The following MYH7 variants were observed in gnomAD, a reference collection of about 807,000 sequenced individuals.
The protein encoded by MYH7 is myosin heavy chain 7.
In MYH7, 129 loss-of-function variants were observed where a neutral mutation model predicts 225.4. The ratio of observed to expected loss-of-function variants is 0.57; its 90% CI spans 0.50 to 0.66. MYH7 has a LOEUF of 0.66. Ranked by LOEUF, MYH7 falls within the 30% of genes least tolerant of loss-of-function variation. MYH7 has a pLI of 0.00. For missense variants in MYH7, 1,649 were observed against 2,517.0 expected (o/e 0.66, Z 7.38); for synonymous variants, 971 against 1,007.6 (o/e 0.96, Z 0.69).
rs753021990 is a variant in MYH7, at chr14:23,415,809, A to T, written c.4977T>A (p.Asp1659Glu). Reference protein sequence around the residue: ...LLKDTQIQLDDAVRANDDLKE... With the variant: ...LLKDTQIQLDEAVRANDDLKE... ...TCAGGTCGTCGTTGGCACGGACTGC[A>T]TCGTCCAGCTGAATCTGGGTGTCCT... The change falls in exon 35 of 40, where the codon GAT becomes GAA. Residue 1659 changes from aspartate (D) to glutamate (E), a missense_variant. Asp to Glu is a conservative substitution (Grantham distance 45). Coordinates refer to ENST00000355349, the MANE Select transcript of MYH7 (RefSeq NM_000257.4). The surrounding 1 kb of genome is among the most constrained non-coding windows in gnomAD (Gnocchi z 6.3). 1.2e-6 allele frequency: 2 copies of T among 1,614,192 alleles called. No individual in the cohort carries two copies. Among genetic ancestry groups the T allele is most frequent in the Non-Finnish European group, 1.7e-6 (2 of 1,180,034 alleles).
rs763683589 is a variant in MYH7, at chr14:23,416,954, C to T, written c.4558G>A (p.Gly1520Arg). ...TTCTCCAGCTCATGGATAGTCTTTC[C>T]GCTGGAACCCAACTGCTCAGTCAAG... ...SDLTEQLGSS[G>R]KTIHELEKVR... The change falls in exon 33 of 40, where the codon GGA becomes AGA. Residue 1520 changes from glycine (G) to arginine (R), a missense_variant. By Grantham distance (125) the Gly-to-Arg change is moderately radical (BLOSUM62 -2). Coordinates refer to ENST00000355349, the MANE Select transcript of MYH7 (RefSeq NM_000257.4). The T allele has an allele frequency of 8.1e-6, 13 of 1,614,132 alleles. No individual in the cohort carries two copies. Among genetic ancestry groups the T allele is most frequent in the African/African-American group, 2.7e-5 (2 of 74,942 alleles).
chr14:23,418,741 C>A (rs2138650055), intron 29 of MYH7, among the ~76,000 whole-genome samples: 1 of 152,292 alleles, frequency 6.6e-6, no homozygotes, highest in South Asian at 2.1e-4. Context: ...CTATAAGAGG[C>A]AGGTTAGTAT....
intron 39 of MYH7, 76 bp downstream of exon 39, chr14:23,413,683 A>G: frequency 6.3e-7 from 1 of 1,597,508 alleles, no homozygotes; most frequent in Non-Finnish European, 8.5e-7. Flanking sequence ...AAAAGGAAGC[A>G]TCCCGGGTTT....
intron 24 of MYH7, among the ~76,000 whole-genome samples, chr14:23,423,130 A>G (rs1466908945): frequency 6.6e-6 from 1 of 152,164 alleles, no homozygotes; most frequent in Non-Finnish European, 1.5e-5. Flanking sequence ...GGGAACAATG[A>G]TCAGATTCTG....
At chr14:23,428,363 G>T in intron 15 of MYH7, 137 bp downstream of exon 15, 1 of 1,408,576 alleles carries the variant, frequency 7.1e-7, no homozygotes, top group African/African-American at 1.4e-5. Flanking sequence ...CACAACATAG[G>T]CTCTGGAACC....
At position 23,427,718 on chromosome 14, in the gene MYH7, G is replaced by T. The variant is rs201860580; in HGVS notation, c.1755C>A (p.Ile585=). 164 of 1,614,192 alleles carry T rather than the reference G, an allele frequency of 1.0e-4. No homozygotes were observed. The highest frequency in any genetic ancestry group is 9.9e-4 in the Middle Eastern group (6 of 6,062). The part of the protein sequence containing the change: ...AHFSLIHYAG[I]VDYNIIGWLQ... ...GCCAGCCAATGATGTTGTAGTCCAC[G>T]ATGCCGGCATAGTGGATCAGGGAGA... The change falls in exon 16 of 40, where the codon ATC becomes ATA. Residue 585 remains isoleucine, a synonymous_variant. Coordinates refer to ENST00000355349, the MANE Select transcript of MYH7 (RefSeq NM_000257.4).
rs2138667149 is a variant in MYH7, at chr14:23,425,354, A to T, written c.2351T>A (p.Ile784Asn). 1 of 1,614,128 alleles carries T rather than the reference A, an allele frequency of 6.2e-7. No homozygotes were observed. Among genetic ancestry groups the T allele is most frequent in the South Asian group, 1.1e-5 (1 of 91,072 alleles). The change falls in exon 21 of 40, where the codon ATC becomes AAC. Residue 784 changes from isoleucine (I) to asparagine (N), a missense_variant. By Grantham distance (149) the Ile-to-Asn change is moderately radical (BLOSUM62 -3). Transcript: ENST00000355349. The surrounding 1 kb of genome is among the most constrained non-coding windows in gnomAD (Gnocchi z 4.6). ...GGACTGGGCCTGGATACGCGTGATGATGCGGCTCAGCCTCTCGTCCCTCAT... is the reference window on the plus strand; with the variant it reads ...GGACTGGGCCTGGATACGCGTGATGTTGCGGCTCAGCCTCTCGTCCCTCAT... ...EEMRDERLSRIITRIQAQSRG... is the reference protein window; with the variant it reads ...EEMRDERLSRNITRIQAQSRG...
chr14:23,432,557 C>T (rs747744561), intron 5 of MYH7, 51 bp from the exon 6 acceptor site: 15 of 1,613,988 alleles, frequency 9.3e-6, no homozygotes, highest in Admixed American at 1.7e-5. Context: ...AGGATGCTCT[C>T]GTGGGGCTTC....
intron 37 of MYH7, among the ~76,000 whole-genome samples, 182 bp from the exon 38 acceptor site, chr14:23,414,284 C>T (rs1383214172): frequency 6.6e-6 from 1 of 152,142 alleles, no homozygotes; most frequent in Non-Finnish European, 1.5e-5. Flanking sequence ...ATGATCTGTA[C>T]CAGGAAAGAG....
chr14:23,426,490 T>C (rs1317537395), intron 18 of MYH7, among the ~76,000 whole-genome samples: 1 of 152,176 alleles, frequency 6.6e-6, no homozygotes, highest in African/African-American at 2.4e-5. Context: ...TGCAGGTAAA[T>C]TTAAAGTTGA....
chr14:23,413,918 G>A (rs763067471), intron 38 of MYH7, 25 bp from the exon 39 acceptor site: 3 of 1,614,246 alleles, frequency 1.9e-6, no homozygotes, highest in Non-Finnish European at 1.7e-6. Flanking sequence ...AGCATGAGGT[G>A]AGAGGGGGCC....
rs186276057 is a variant in MYH7 at position 23,430,889 on chromosome 14, G to C, written c.895+12C>G. On this transcript the variant is annotated intron_variant, in intron 10 of 39. Coordinates refer to ENST00000355349, the MANE Select transcript of MYH7 (RefSeq NM_000257.4). ...TGGAGATAGTTGGTCTCAGTCGGTG[G>C]CTCTGACTCACCCAGCAGCTCAGGC... The C allele has an allele frequency of 6.3e-6, 10 of 1,595,308 alleles. No homozygotes were observed. The highest frequency in any genetic ancestry group is 8.6e-6 in the Non-Finnish European group (10 of 1,162,960).
chr14:23,413,189 A>G (rs959870049), intron 39 of MYH7, among the ~76,000 whole-genome samples: 1 of 152,224 alleles, frequency 6.6e-6, no homozygotes, highest in African/African-American at 2.4e-5. Flanking sequence ...ACTGGAAACT[A>G]GCAGTTGGGG....
chr14:23,416,956 C>T lies in MYH7; in HGVS notation c.4556G>A (p.Ser1519Asn). The T allele has an allele frequency of 3.1e-6, 5 of 1,614,260 alleles. No homozygotes were observed. The highest frequency in any genetic ancestry group is 4.2e-6 in the Non-Finnish European group (5 of 1,180,046). Reference sequence around the variant, plus strand: ...CTCCAGCTCATGGATAGTCTTTCCGCTGGAACCCAACTGCTCAGTCAAGTC... The same window carrying T: ...CTCCAGCTCATGGATAGTCTTTCCGTTGGAACCCAACTGCTCAGTCAAGTC... Reference protein sequence around the residue: ...ISDLTEQLGSSGKTIHELEKV... With the variant: ...ISDLTEQLGSNGKTIHELEKV... The change falls in exon 33 of 40, where the codon AGC becomes AAC. Residue 1519 changes from serine (S) to asparagine (N), a missense_variant. By Grantham distance (46) the Ser-to-Asn change is conservative. This residue lies in a region of MYH7 where 687 missense variants were observed against 913.8 expected (regional missense o/e 0.75). Transcript: ENST00000355349.
In MYH7 at chr14:23,418,383, T is replaced by C. The variant is rs1261157398; in HGVS notation, c.3996A>G (p.Ala1332=). The C allele has an allele frequency of 5.6e-6, 9 of 1,611,922 alleles. No individual in the cohort carries two copies. Among genetic ancestry groups the C allele is most frequent in the Non-Finnish European group, 7.6e-6 (9 of 1,178,692 alleles). ...EVKAKNALAH[A]LQSARHDCDL... is the part of the protein sequence containing the mutation. ...CGCAGTCATGCCGGGCCGACTGCAG[T>C]GCGTGGGCCAGGGCGTTCTTCGCCT... Residue 1332 remains alanine, a synonymous_variant, in exon 30 of 40, where the codon GCA becomes GCG. Transcript: ENST00000355349.
chr14:23,415,680 C>A lies in MYH7; in HGVS notation c.5106G>T (p.Ala1702=), dbSNP rs3729830. ...CACTAGTCTCAATCAGCTCCTGCTC[C>A]GCCAGCTTCCGGGACCGCTCTGTCT... The part of the protein sequence containing the change: ...VEQTERSRKL[A]EQELIETSER... The change falls in exon 35 of 40, where the codon GCG becomes GCT. Residue 1702 remains alanine, a synonymous_variant. Transcript: ENST00000355349. This position sits in a 1 kb window ranked among gnomAD's most constrained non-coding sequence, Gnocchi z 6.3. 1.9e-6 allele frequency: 3 copies of A among 1,613,978 alleles called. No homozygotes were observed.
At position 23,428,645 on chromosome 14, in the gene MYH7, A is replaced by T. The variant is rs1413336282; in HGVS notation, c.1433T>A (p.Ile478Asn). 1 of 1,614,130 alleles carries T rather than the reference A, an allele frequency of 6.2e-7. No homozygotes were observed. The highest frequency in any genetic ancestry group is 8.5e-7 in the Non-Finnish European group (1 of 1,179,996). Residue 478 changes from isoleucine (I) to asparagine (N), a missense_variant, in exon 15 of 40, where the codon ATC (isoleucine) becomes AAC (asparagine). Ile to Asn is a moderately radical substitution (Grantham distance 149, BLOSUM62 -3). Coordinates refer to ENST00000355349, the MANE Select transcript of MYH7 (RefSeq NM_000257.4). ...CTGCAGCTTCTCGTTGGTGAAGTTG[A>T]TGCAGAGCTGCTCAAAGCTGTTGAA... ...FDFNSFEQLC[I>N]NFTNEKLQQF...
intron 37 of MYH7, 80 bp from the exon 38 acceptor site, chr14:23,414,182 T>C: frequency 8.0e-7 from 1 of 1,244,894 alleles, no homozygotes; most frequent in Non-Finnish European, 1.2e-6. Flanking sequence ...CCCTGCTTCA[T>C]CTGATATCCT....
rs727503240 is a variant in MYH7, at chr14:23,413,859, C to T, written c.5690G>A (p.Arg1897His). The change falls in exon 39 of 40, where the codon CGC becomes CAC. Residue 1897 changes from arginine to histidine, a missense_variant. Around this residue, in one of 12 missense-constraint regions of MYH7, gnomAD observed 687 missense variants for 913.8 expected, o/e 0.75. Transcript: ENST00000355349. ...EQANTNLSKF[R>H]KVQHELDEAE... ...CTCATCCAGCTCGTGCTGCACCTTGCGGAACTTGGACAGGTTGGTGTTGGC... is the reference window on the plus strand; with the variant it reads ...CTCATCCAGCTCGTGCTGCACCTTGTGGAACTTGGACAGGTTGGTGTTGGC... 3.3e-5 allele frequency: 54 copies of T among 1,614,110 alleles called. No homozygotes were observed. The highest frequency in any genetic ancestry group is 3.3e-4 in the Middle Eastern group (2 of 6,084).
Sources: gnomAD v4.1 joint callset for allele counts (sites outside exome capture counted in the v4.1 genomes callset) on GRCh38, gnomAD v4.1.1 for gene constraint, gnomAD v4.1.1 regional missense constraint, Gnocchi (gnomAD v3.1) non-coding constraint, MANE v1.5 for transcripts, NCBI Gene and HGNC (gene_info 2026-07-23, HGNC 2026-07-21) for gene names.